The following ADGRL3 variants were observed in gnomAD, a reference collection of about 807,000 sequenced individuals.
ADGRL3 encodes the protein calcium-independent alpha-latrotoxin receptor 3.
ADGRL3 carries 62 observed loss-of-function variants against 153.5 expected under a neutral mutation model. That is an observed-to-expected ratio of 0.40 (90% CI 0.33 to 0.50). ADGRL3 has a LOEUF of 0.50. Ranked by LOEUF, ADGRL3 falls within the 20% of genes least tolerant of loss-of-function variation. ADGRL3 has a pLI of 0.47. For missense variants in ADGRL3, 1,641 were observed against 1,859.4 expected, an observed-to-expected ratio of 0.88 and a Z score of 2.16; for synonymous variants, 710 against 672.5, an observed-to-expected ratio of 1.06 and a Z score of -0.86.
chr4:61,662,239 C>T (rs970396894), intron 5 of ADGRL3, among the ~76,000 whole-genome samples: 25 of 152,266 alleles, frequency 1.6e-4, no homozygotes, highest in East Asian at 1.5e-3. Context: ...GAGGGCCGGG[C>T]GCAGGAGGAG....
chr4:61,975,425 A>G (rs886561353), intron 17 of ADGRL3, among the ~76,000 whole-genome samples: 1 of 152,270 alleles, frequency 6.6e-6, no homozygotes. Context: ...GAGCAGGTCA[A>G]TGGAAGTGGA....
At chr4:61,920,537 A>G (rs760708706) in intron 13 of ADGRL3, among the ~76,000 whole-genome samples, 3 of 152,208 alleles carry the variant, frequency 2.0e-5, no homozygotes, top group Non-Finnish European at 4.4e-5. Context: ...AAAGTTAGCT[A>G]TGGTAGCTTA....
intron 1 of ADGRL3, among the ~76,000 whole-genome samples, chr4:61,325,959 T>C (rs1399725183): frequency 6.6e-6 from 1 of 152,114 alleles, no homozygotes; most frequent in Admixed American, 6.6e-5. Flanking sequence ...TTAAGAAATA[T>C]GGCAACAGAG....
intron 25 of ADGRL3, among the ~76,000 whole-genome samples, chr4:62,062,553 C>T (rs939709211): frequency 6.6e-6 from 1 of 151,978 alleles, no homozygotes; most frequent in Non-Finnish European, 1.5e-5. Context: ...CACAAATACA[C>T]AATTCTGTCT....
intron 2 of ADGRL3, among the ~76,000 whole-genome samples, chr4:61,389,069 G>A (rs1010398819): frequency 2.0e-5 from 3 of 151,806 alleles, no homozygotes; most frequent in Non-Finnish European, 4.4e-5. Flanking sequence ...CTTTTATATT[G>A]CACCATTGGC....
chr4:61,746,274 C>G (rs2096659600), intron 8 of ADGRL3, among the ~76,000 whole-genome samples: 1 of 151,766 alleles, frequency 6.6e-6, no homozygotes, highest in South Asian at 2.1e-4. Context: ...TTTAACACCC[C>G]ACTGTCAATA....
chr4:61,811,926 G>T (rs568728602), intron 8 of ADGRL3, among the ~76,000 whole-genome samples: 2 of 152,156 alleles, frequency 1.3e-5, no homozygotes, highest in African/African-American at 4.8e-5. Context: ...TATTCTATAT[G>T]CTAAGGTTAT....
In ADGRL3 at chr4:62,054,640, AAGAT is replaced by A. The variant is rs376678140; in HGVS notation, c.3814+10097_3814+10100del. On this transcript the variant is annotated intron_variant, in intron 25 of 26. Transcript: ENST00000683033. ...TAATAATGATCACACCTATAAGAAA[AAGAT>A]AGATAAGATCATTTTCTCAACATTG... is the stretch of plus-strand genomic sequence containing the variant. 4.4e-3 allele frequency among the ~76,000 whole-genome samples: 665 copies of A among 151,712 alleles called. 4 individuals carry two copies. The highest frequency in any genetic ancestry group is 0.015 in the African/African-American group (621 of 41,532).
chr4:61,410,515 T>C (rs907634173), intron 2 of ADGRL3, among the ~76,000 whole-genome samples: 7 of 152,148 alleles, frequency 4.6e-5, no homozygotes, highest in African/African-American at 1.7e-4. Flanking sequence ...AATATTACAA[T>C]ACTATTGTGT....
At chr4:61,636,569 TC>T (rs1353378315) in intron 5 of ADGRL3, among the ~76,000 whole-genome samples, 29 of 152,108 alleles carry the variant, frequency 1.9e-4, no homozygotes, top group Non-Finnish European at 3.7e-4. Flanking sequence ...GCTAAATTTT[TC>T]TCTAAAGCCC....
At chr4:62,052,097 C>T (rs1336571292) in intron 25 of ADGRL3, among the ~76,000 whole-genome samples, 1 of 151,484 alleles carries the variant, frequency 6.6e-6, no homozygotes, top group Non-Finnish European at 1.5e-5. Flanking sequence ...TCCATAAAGA[C>T]ACTGAGTTTC....
chr4:62,030,187 C>A (rs1284308278), intron 22 of ADGRL3, among the ~76,000 whole-genome samples: 2 of 151,562 alleles, frequency 1.3e-5, no homozygotes, highest in African/African-American at 4.8e-5. Flanking sequence ...GGGACCATAT[C>A]TTTCTTAAGA....
At chr4:61,665,739 C>A (rs1031818488) in intron 5 of ADGRL3, among the ~76,000 whole-genome samples, 1 of 152,110 alleles carries the variant, frequency 6.6e-6, no homozygotes, top group South Asian at 2.1e-4. Context: ...CATCACATTT[C>A]TATTTATTGC....
intron 2 of ADGRL3, among the ~76,000 whole-genome samples, chr4:61,422,243 G>A (rs2097215642): frequency 6.6e-6 from 1 of 151,988 alleles, no homozygotes; most frequent in South Asian, 2.1e-4. Flanking sequence ...AGTTAAAATG[G>A]GTGTATAACA....
chr4:61,686,485 T>G (rs767810864), intron 6 of ADGRL3, among the ~76,000 whole-genome samples: 1 of 152,136 alleles, frequency 6.6e-6, no homozygotes, highest in Non-Finnish European at 1.5e-5. Context: ...ATCATTCAAA[T>G]ACTTATTTAT....
At chr4:61,801,233 G>T (rs1419213981) in intron 8 of ADGRL3, among the ~76,000 whole-genome samples, 1 of 152,038 alleles carries the variant, frequency 6.6e-6, no homozygotes, top group Non-Finnish European at 1.5e-5. Flanking sequence ...CATCATGAAG[G>T]TGGAAGCAAT....
chr4:61,280,878 G>A (rs1244811829), intron 1 of ADGRL3, among the ~76,000 whole-genome samples: 1 of 152,074 alleles, frequency 6.6e-6, no homozygotes, highest in African/African-American at 2.4e-5. Flanking sequence ...TACACTCACT[G>A]AACTGGAAAA....
intron 8 of ADGRL3, among the ~76,000 whole-genome samples, chr4:61,757,138 A>G (rs2096844096): frequency 1.3e-5 from 2 of 152,188 alleles, no homozygotes; most frequent in South Asian, 4.1e-4. Flanking sequence ...GCCTCATAAA[A>G]TGAGTTAGGG....
chr4:61,415,172 G>A (rs1400803700), intron 2 of ADGRL3, among the ~76,000 whole-genome samples: 1 of 151,462 alleles, frequency 6.6e-6, no homozygotes, highest in East Asian at 1.9e-4. Flanking sequence ...TCTATTTTTG[G>A]CCTATTTCTA....
Sources: gnomAD v4.1 joint callset for allele counts (sites outside exome capture counted in the v4.1 genomes callset) on GRCh38, gnomAD v4.1.1 for gene constraint, MANE v1.5 for transcripts, NCBI Gene and HGNC (gene_info 2026-07-23, HGNC 2026-07-21) for gene names.